CNTN1: variants seen among roughly 807,000 people sequenced by gnomAD.
CNTN1 encodes contactin 1.
A neutral mutation model predicts 126.4 loss-of-function variants in CNTN1; 38 were observed. That is an observed-to-expected ratio of 0.30 (90% CI 0.23 to 0.39). The LOEUF is 0.39. CNTN1 is among the 10% of genes least tolerant of loss of function. The probability of loss-of-function intolerance (pLI) is 1.00; values close to 1 mark genes in which losing one functional copy is unlikely to be tolerated. For missense variants in CNTN1, 1,009 were observed against 1,248.4 expected, an observed-to-expected ratio of 0.81 and a Z score of 2.89; for synonymous variants, 413 against 422.6, an observed-to-expected ratio of 0.98 and a Z score of 0.28.
intron 1 of CNTN1, among the ~76,000 whole-genome samples, chr12:40,747,427 G>A (rs1938230253): frequency 6.6e-6 from 1 of 151,612 alleles, no homozygotes; most frequent in Non-Finnish European, 1.5e-5. Context: ...AAAAAAAGAT[G>A]ATAAAATACA....
chr12:40,952,211 G>A (rs888098780), intron 14 of CNTN1, among the ~76,000 whole-genome samples: 2 of 152,054 alleles, frequency 1.3e-5, no homozygotes, highest in Non-Finnish European at 2.9e-5. Context: ...TACCTATGGA[G>A]CCTTCCACAA....
chr12:40,994,731 C>T lies in CNTN1; in HGVS notation c.2113+1462C>T, dbSNP rs185904029. ...TTTCTGTGAGGTAGAGAAAAGCAAA[C>T]ACTAGTGTTCATTTTGTAGGTGGAT... is the stretch of plus-strand genomic sequence containing the variant. On this transcript the variant is annotated intron_variant, in intron 17 of 23. Transcript: ENST00000551295. Among the ~76,000 whole-genome samples, 133 of 152,028 alleles carry T rather than the reference C, an allele frequency of 8.7e-4. 3 individuals are homozygous for T. The highest frequency in any genetic ancestry group is 2.6e-3 in the African/African-American group (108 of 41,510).
intron 1 of CNTN1, among the ~76,000 whole-genome samples, chr12:40,890,436 A>C (rs1319975634): frequency 6.6e-6 from 1 of 152,170 alleles, no homozygotes; most frequent in Non-Finnish European, 1.5e-5. Flanking sequence ...TGATAGTATC[A>C]TACAGAATAG....
At chr12:40,999,697 C>CTTTTTTT (rs398019220) in intron 17 of CNTN1, among the ~76,000 whole-genome samples, 7 of 86,646 alleles carry the variant, frequency 8.1e-5, no homozygotes, top group Non-Finnish European at 1.3e-4. Flanking sequence ...TTCTTCTGTG[C>CTTTTTTT]TTTTTTTTTT....
At chr12:40,903,388 C>CTTTT (rs112301816) in intron 1 of CNTN1, among the ~76,000 whole-genome samples, 74 of 130,830 alleles carry the variant, frequency 5.7e-4, no homozygotes, top group African/African-American at 2.0e-3. Flanking sequence ...GTCAGAGTTG[C>CTTTT]TTTTTTTTTT....
intron 1 of CNTN1, among the ~76,000 whole-genome samples, chr12:40,741,627 A>G (rs1017722632): frequency 1.3e-5 from 2 of 152,106 alleles, no homozygotes; most frequent in Non-Finnish European, 2.9e-5. Flanking sequence ...TTGAAATAGT[A>G]TGTGCATTAG....
At chr12:40,845,511 T>C (rs948792697) in intron 1 of CNTN1, among the ~76,000 whole-genome samples, 4 of 152,126 alleles carry the variant, frequency 2.6e-5, no homozygotes, top group Non-Finnish European at 4.4e-5. Flanking sequence ...TATTAGACTA[T>C]TAAAAAATAA....
intron 1 of CNTN1, among the ~76,000 whole-genome samples, chr12:40,701,191 A>C (rs1941585457): frequency 6.6e-6 from 1 of 152,230 alleles, no homozygotes; most frequent in African/African-American, 2.4e-5. Context: ...GAATTAAATC[A>C]TTCTAAATTT....
intron 16 of CNTN1, among the ~76,000 whole-genome samples, chr12:40,981,524 T>G (rs1184985182): frequency 1.3e-5 from 2 of 152,174 alleles, no homozygotes; most frequent in Non-Finnish European, 2.9e-5. Flanking sequence ...TATAACCCTT[T>G]ATGTGAATGA....
intron 1 of CNTN1, among the ~76,000 whole-genome samples, chr12:40,852,174 G>A (rs1472525713): frequency 6.6e-6 from 1 of 151,968 alleles, no homozygotes; most frequent in Admixed American, 6.6e-5. Flanking sequence ...TCAGCTTCAT[G>A]GAAAAAAGAA....
At chr12:40,696,586 A>T (rs749555248) in intron 1 of CNTN1, among the ~76,000 whole-genome samples, 1 of 152,222 alleles carries the variant, frequency 6.6e-6, no homozygotes, top group Non-Finnish European at 1.5e-5. Context: ...TATCTTAAAA[A>T]GCACTGATTT....
At chr12:41,018,358 A>G (rs976824866) in intron 19 of CNTN1, among the ~76,000 whole-genome samples, 1 of 152,052 alleles carries the variant, frequency 6.6e-6, no homozygotes, top group Non-Finnish European at 1.5e-5. Flanking sequence ...ACTCCAAGAT[A>G]GACATTTAGC....
intron 23 of CNTN1, among the ~76,000 whole-genome samples, chr12:41,036,010 G>A (rs1252590018): frequency 1.3e-5 from 2 of 152,120 alleles, no homozygotes; most frequent in Admixed American, 6.5e-5. Flanking sequence ...ATAGATTGGA[G>A]TGAGACAAGA....
chr12:40,771,441 G>A (rs1240884981), intron 1 of CNTN1, among the ~76,000 whole-genome samples: 3 of 151,790 alleles, frequency 2.0e-5, no homozygotes, highest in Non-Finnish European at 2.9e-5. Context: ...CTTTTATAAT[G>A]TTGTTCTTGC....
intron 1 of CNTN1, among the ~76,000 whole-genome samples, chr12:40,723,393 C>T (rs541614858): frequency 6.2e-4 from 94 of 152,222 alleles, no homozygotes; most frequent in Non-Finnish European, 9.0e-4. Flanking sequence ...TTTATTAACC[C>T]GAAAGCCTCC....
chr12:41,025,643 T>C (rs1451085125), intron 21 of CNTN1, among the ~76,000 whole-genome samples: 1 of 152,204 alleles, frequency 6.6e-6, no homozygotes, highest in African/African-American at 2.4e-5. Context: ...ATTTAAACAT[T>C]GTTTTCATAG....
At chr12:41,069,158 T>C (rs1950110145) in intron 23 of CNTN1, among the ~76,000 whole-genome samples, 1 of 152,172 alleles carries the variant, frequency 6.6e-6, no homozygotes, top group Admixed American at 6.5e-5. Flanking sequence ...GAGTAGCCCT[T>C]CTAAGTGTCA....
chr12:40,706,237 G>A (rs546031418), intron 1 of CNTN1, among the ~76,000 whole-genome samples: 2 of 151,612 alleles, frequency 1.3e-5, no homozygotes, highest in East Asian at 3.9e-4. Flanking sequence ...ATTTACATTA[G>A]GTATATCTCC....
At chr12:41,022,454 T>C (rs1948940228) in intron 20 of CNTN1, among the ~76,000 whole-genome samples, 1 of 152,180 alleles carries the variant, frequency 6.6e-6, no homozygotes. Context: ...AGAAAATTGA[T>C]TTGAACTTTG....
Sources: gnomAD v4.1 joint callset for allele counts (sites outside exome capture counted in the v4.1 genomes callset) on GRCh38, gnomAD v4.1.1 for gene constraint, MANE v1.5 for transcripts, NCBI Gene and HGNC (gene_info 2026-07-23, HGNC 2026-07-21) for gene names.